KIAA1143: variants seen among roughly 807,000 people sequenced by gnomAD.
KIAA1143 encodes the protein uncharacterized protein KIAA1143.
Under a neutral mutation model 17.0 loss-of-function variants are expected in KIAA1143, and 8 were observed. The ratio of observed to expected loss-of-function variants is 0.47; its 90% confidence interval spans 0.28 to 0.85. KIAA1143 has a LOEUF of 0.85. KIAA1143 is among the 40% of genes least tolerant of loss of function. The pLI, the probability that KIAA1143 is intolerant of heterozygous loss-of-function variation, is 0.12. For synonymous variants in KIAA1143, 64 were observed against 67.8 expected, an observed-to-expected ratio of 0.94 and a Z score of 0.27; for missense variants, 162 against 183.3, an observed-to-expected ratio of 0.88 and a Z score of 0.67.
chr3:44,754,742 A>C (rs1417938299), intron 1 of KIAA1143, among the ~76,000 whole-genome samples: 1 of 152,200 alleles, frequency 6.6e-6, no homozygotes, highest in African/African-American at 2.4e-5. Flanking sequence ...TGAGTTAGAC[A>C]AGAAATAAAC....
intron 2 of KIAA1143, among the ~76,000 whole-genome samples, chr3:44,754,013 A>G (rs1241827165): frequency 6.6e-6 from 1 of 152,306 alleles, no homozygotes; most frequent in Non-Finnish European, 1.5e-5. Context: ...TAACAACCCA[A>G]TAGGTACAAT....
chr3:44,754,122 G>A, intron 2 of KIAA1143, 102 bp downstream of exon 2: 1 of 1,222,894 alleles, frequency 8.2e-7, no homozygotes, highest in Non-Finnish European at 1.2e-6. Flanking sequence ...CTTGAACCCG[G>A]AACTGCCACC....
chr3:44,761,324 G>C (rs1161516316), intron 1 of KIAA1143, among the ~76,000 whole-genome samples, 171 bp downstream of exon 1: 2 of 152,132 alleles, frequency 1.3e-5, no homozygotes, highest in African/African-American at 4.8e-5. Context: ...TGGGCGTAGG[G>C]GGCTGTGGTC....
intron 1 of KIAA1143, among the ~76,000 whole-genome samples, chr3:44,759,977 T>C (rs931179306): frequency 6.6e-6 from 1 of 150,896 alleles, no homozygotes; most frequent in East Asian, 2.0e-4. Context: ...ACCTGTTTAG[T>C]GTAGCCACCT....
intron 1 of KIAA1143, among the ~76,000 whole-genome samples, chr3:44,759,565 C>A (rs1484958608): frequency 6.6e-6 from 1 of 151,966 alleles, no homozygotes; most frequent in Non-Finnish European, 1.5e-5. Flanking sequence ...GTTAGCCTGT[C>A]CTTTGAAAAT....
At chr3:44,756,828 T>G (rs1704980399) in intron 1 of KIAA1143, among the ~76,000 whole-genome samples, 1 of 152,200 alleles carries the variant, frequency 6.6e-6, no homozygotes, top group Non-Finnish European at 1.5e-5. Flanking sequence ...ATGATTGTTC[T>G]ATTATTAGTT....
At chr3:44,756,848 C>T (rs993357439) in intron 1 of KIAA1143, among the ~76,000 whole-genome samples, 1 of 152,106 alleles carries the variant, frequency 6.6e-6, no homozygotes, top group African/African-American at 2.4e-5. Context: ...TACTAATCTG[C>T]TGATATTCCT....
At chr3:44,758,578 AT>A (rs1705011058) in intron 1 of KIAA1143, among the ~76,000 whole-genome samples, 1 of 152,112 alleles carries the variant, frequency 6.6e-6, no homozygotes, top group Non-Finnish European at 1.5e-5. Flanking sequence ...ACTTAGTCAC[AT>A]TTTCAGGCTC....
Position 44,749,237 on chromosome 3 carries a change from A to G in KIAA1143, c.*4104T>C, listed in dbSNP as rs1225806032. The G allele has an allele frequency of 6.6e-6, 1 of 152,086 alleles. No individual in the cohort carries two copies. Among genetic ancestry groups the G allele is most frequent in the East Asian group, 1.9e-4 (1 of 5,188 alleles). The allele number at this position is 152,086 out of a possible 1,614,324, so 9.4% of individuals were successfully genotyped here. On this transcript the variant is annotated 3_prime_UTR_variant, in exon 3 of 3. Coordinates refer to ENST00000296121, the MANE Select transcript of KIAA1143 (RefSeq NM_020696.4). Reference sequence around the variant, plus strand: ...CCCCGTCTCTATTAAAAATACAAAAAAATTAGCCGGGCGTGGTGGCGGGCG... The same window carrying G: ...CCCCGTCTCTATTAAAAATACAAAAGAATTAGCCGGGCGTGGTGGCGGGCG...
intron 1 of KIAA1143, among the ~76,000 whole-genome samples, chr3:44,758,972 TC>T (rs774466878): frequency 4.0e-5 from 6 of 151,662 alleles, no homozygotes; most frequent in Non-Finnish European, 8.8e-5. Flanking sequence ...CAGGGAATCC[TC>T]CCACCTCAGC....
rs1485038278 is a variant in KIAA1143 at position 44,750,214 on chromosome 3, A to C, written c.*3127T>G. ...CTAATGGAAAAAAGTTAATTCAAAAACTTTTGACCTTAAACTAACTTTTTG... is the reference window on the plus strand; with the variant it reads ...CTAATGGAAAAAAGTTAATTCAAAACCTTTTGACCTTAAACTAACTTTTTG... On this transcript the variant is annotated 3_prime_UTR_variant, in exon 3 of 3. Transcript: ENST00000296121. 6.6e-6 allele frequency: 1 copy of C among 152,200 alleles called. No individual in the cohort carries two copies. Among genetic ancestry groups the C allele is most frequent in the Non-Finnish European group, 1.5e-5 (1 of 68,040 alleles). The allele number at this position is 152,200 out of a possible 1,614,324, so 9.4% of individuals were successfully genotyped here.
chr3:44,759,894 C>CAAAAACAAAAAAAAAAAAAA (rs1705039825), intron 1 of KIAA1143, among the ~76,000 whole-genome samples: 2 of 51,102 alleles, frequency 3.9e-5, no homozygotes, highest in Non-Finnish European at 7.3e-5. Context: ...GACCCTATCT[C>CAAAAACAAAAAAAAAAAAAA]AAAAAAAAAA....
At chr3:44,753,669 AG>A in intron 2 of KIAA1143, 117 bp from the exon 3 acceptor site, 3 of 1,013,914 alleles carry the variant, frequency 3.0e-6, no homozygotes, top group Non-Finnish European at 4.2e-6. Flanking sequence ...AATCTGATTC[AG>A]TCTGGTCTTC....
At position 44,754,299 on chromosome 3, in the gene KIAA1143, C is replaced by T. The variant is rs1334823472; in HGVS notation, c.178G>A (p.Val60Met). The change falls in exon 2 of 3, where the codon GTG (valine) becomes ATG (methionine). Residue 60 changes from valine to methionine, a missense_variant. By Grantham distance (21) the Val-to-Met change is conservative (BLOSUM62 1). Transcript: ENST00000296121. ...GACAGGTCTCCCTTTTTTAAAACCA[C>T]CACTTGAGGCTGTTCATCTTCTTTG... The part of the protein sequence containing the change: ...SDKEDEQPQV[V>M]VLKKGDLSVE... 6.2e-7 allele frequency: 1 copy of T among 1,613,828 alleles called. No homozygotes were observed. Among genetic ancestry groups the T allele is most frequent in the Non-Finnish European group, 8.5e-7 (1 of 1,179,854 alleles).
rs1024126126 is a variant in KIAA1143 at position 44,752,756 on chromosome 3, T to C, written c.*585A>G. The stretch of plus-strand genomic sequence containing the variant: ...CATGTTTGCCAAGTCTGTCCTTTTG[T>C]AACAAAAAACCCAGCAGCTTTATCA... On this transcript the variant is annotated 3_prime_UTR_variant, in exon 3 of 3. Coordinates refer to ENST00000296121, the MANE Select transcript of KIAA1143 (RefSeq NM_020696.4). 1 of 152,516 alleles carries C rather than the reference T, an allele frequency of 6.6e-6. No individual in the cohort carries two copies. Among genetic ancestry groups the C allele is most frequent in the Admixed American group, 6.5e-5 (1 of 15,280 alleles). 9.4% of individuals were successfully genotyped at this position (152,516 alleles called of 1,614,324 possible). A position where few individuals can be genotyped will look rare whatever the true frequency, so the allele number is the denominator to read the frequency against.
chr3:44,756,916 A>G (rs1005558805), intron 1 of KIAA1143, among the ~76,000 whole-genome samples: 1 of 152,242 alleles, frequency 6.6e-6, no homozygotes, highest in African/African-American at 2.4e-5. Flanking sequence ...CATAGTATAT[A>G]TAGAATTCAG....
At chr3:44,760,352 A>C (rs142243736) in intron 1 of KIAA1143, among the ~76,000 whole-genome samples, 1 of 152,158 alleles carries the variant, frequency 6.6e-6, no homozygotes, top group Non-Finnish European at 1.5e-5. Flanking sequence ...CTCTTCTTCT[A>C]TTTAGACCCA....
At chr3:44,753,625 A>T (rs530419243) in intron 2 of KIAA1143, 73 bp from the exon 3 acceptor site, 66 of 1,377,216 alleles carry the variant, frequency 4.8e-5, no homozygotes, top group East Asian at 9.2e-5. Context: ...GCAAATAATA[A>T]GAAAATCTCA....
Position 44,749,391 on chromosome 3 carries a change from A to AAAAAC in KIAA1143, c.*3945_*3949dup, listed in dbSNP as rs1175925520. On this transcript the variant is annotated 3_prime_UTR_variant, in exon 3 of 3. Transcript: ENST00000296121. ...GTGACAGAGCGAGACTCTGTCTCAA[A>AAAAAC]AAAACAAAACAAAACAAACTTAAAA... 3 of 152,274 alleles carry AAAAAC rather than the reference A, an allele frequency of 2.0e-5. No individual in the cohort carries two copies. Among genetic ancestry groups the AAAAAC allele is most frequent in the Non-Finnish European group, 2.9e-5 (2 of 68,114 alleles). The allele number at this position is 152,274 out of a possible 1,614,324, so 9.4% of individuals were successfully genotyped here.
Sources: gnomAD v4.1 joint callset for allele counts (sites outside exome capture counted in the v4.1 genomes callset) on GRCh38, gnomAD v4.1.1 for gene constraint, MANE v1.5 for transcripts, NCBI Gene and HGNC (gene_info 2026-07-23, HGNC 2026-07-21) for gene names.